Variants in AMBN observed in about 807,000 individuals in gnomAD.
AMBN encodes the protein ameloblastin, also known as enamel matrix protein.
Under a neutral mutation model 48.0 loss-of-function variants are expected in AMBN, and 54 were observed. That is an observed-to-expected ratio of 1.12 (90% CI 0.90 to 1.41). The LOEUF (loss-of-function observed/expected upper bound fraction) is 1.41. Among genes scored for constraint, AMBN ranks in the 40% most tolerant of loss-of-function variants. The pLI is 0.00. For missense variants in AMBN, 571 were observed against 547.3 expected (o/e 1.04, Z -0.43); for synonymous variants, 186 against 190.0 (o/e 0.98, Z 0.17).
intron 1 of AMBN, 39 bp downstream of exon 1, chr4:70,592,412 A>G (rs757198664): frequency 1.9e-6 from 3 of 1,611,828 alleles, no homozygotes; most frequent in East Asian, 2.2e-5. Flanking sequence ...GTTTCCTGTA[A>G]ATTCTTTTTT....
chr4:70,602,040 A>G, intron 6 of AMBN: 1 of 419,122 alleles, frequency 2.4e-6, no homozygotes, highest in Non-Finnish European at 4.6e-6. Flanking sequence ...AGGATTTTGC[A>G]TTATTATCTC....
chr4:70,596,909 C>G lies in AMBN; in HGVS notation c.85-90C>G, dbSNP rs1359893612. On this transcript the variant is annotated intron_variant, in intron 2 of 12. Transcript: ENST00000322937. Reference sequence around the variant, plus strand: ...CAAAATGGTGGCCTCTCAGGTAGCCCGTATGTACTGGAGCAATATCCTACG... The same window carrying G: ...CAAAATGGTGGCCTCTCAGGTAGCCGGTATGTACTGGAGCAATATCCTACG... 9.0e-6 allele frequency: 10 copies of G among 1,106,574 alleles called. No individual in the cohort carries two copies. In the East Asian group the frequency reaches 2.4e-4, roughly 27 times the overall value. 68.5% of individuals were successfully genotyped at this position (1,106,574 alleles called of 1,614,324 possible). A position where few individuals can be genotyped will look rare whatever the true frequency, so the allele number is the denominator to read the frequency against.
rs1301165469 is a variant in AMBN, at chr4:70,601,508, T to C, written c.385T>C (p.Ser129Pro). The C allele has an allele frequency of 3.1e-6, 5 of 1,614,192 alleles. No homozygotes were observed. The highest frequency in any genetic ancestry group is 4.2e-6 in the Non-Finnish European group (5 of 1,180,006). Residue 129 changes from serine to proline, a missense_variant, in exon 6 of 13, where the codon TCT (serine) becomes CCT (proline). Coordinates refer to ENST00000322937, the MANE Select transcript of AMBN (RefSeq NM_016519.6). Reference protein sequence around the residue: ...QQPGLKPFLQSAAATTNQATA... With the variant: ...QQPGLKPFLQPAAATTNQATA... ...GCCAGGACTGAAACCTTTTCTCCAG[T>C]CTGCTGCTGCAACCACCAACCAGGC...
At chr4:70,604,053 C>A in intron 12 of AMBN, 132 bp downstream of exon 12, 1 of 773,690 alleles carries the variant, frequency 1.3e-6, no homozygotes, top group Admixed American at 2.5e-5. Flanking sequence ...ACTCCAAAAA[C>A]TAAGCTTAAT....
At position 70,603,264 on chromosome 4, in the gene AMBN, T is replaced by C. The variant is rs377677437; in HGVS notation, c.653T>C (p.Phe218Ser). 1.4e-5 allele frequency: 22 copies of C among 1,613,346 alleles called. No homozygotes were observed. The African/African-American group carries it at 2.4e-4, about 18-fold the overall frequency. ...DFADPQGSTI[F>S]QIARLISHGP... ...TCTGTTTTCTACCATTTAAAGATTT[T>C]CCAAATAGCCCGTTTGATTTCTCAC... Residue 218 changes from phenylalanine to serine, a missense_variant, in exon 10 of 13, where the codon TTC becomes TCC. Physicochemically the swap from Phe to Ser is radical, Grantham distance 155. Transcript: ENST00000322937.
rs553845772 is a variant in AMBN, at chr4:70,603,065, A to G, written c.648+55A>G. 1.7e-5 allele frequency: 27 copies of G among 1,546,678 alleles called. No homozygotes were observed. The African/African-American group carries it at 3.5e-4, about 20-fold the overall frequency. Reference sequence around the variant, plus strand: ...TTGCAAAAACTGTCTCTATATTTCAAAAAATAAGAGTGAATTTTTTCATTG... The same window carrying G: ...TTGCAAAAACTGTCTCTATATTTCAGAAAATAAGAGTGAATTTTTTCATTG... On this transcript the variant is annotated intron_variant, in intron 9 of 12. Coordinates refer to ENST00000322937, the MANE Select transcript of AMBN (RefSeq NM_016519.6).
At chr4:70,603,087 A>AT (rs1382441257) in intron 9 of AMBN, 77 bp downstream of exon 9, 1 of 1,489,602 alleles carries the variant, frequency 6.7e-7, no homozygotes, top group Non-Finnish European at 9.1e-7. Flanking sequence ...GAATTTTTTC[A>AT]TTGTCCCATT....
At position 70,599,535 on chromosome 4, in the gene AMBN, G is replaced by A. The variant is rs925909179; in HGVS notation, c.184-1G>A. 6.3e-7 allele frequency: 1 copy of A among 1,592,630 alleles called. No individual in the cohort carries two copies. The highest frequency in any genetic ancestry group is 8.6e-7 in the Non-Finnish European group (1 of 1,163,768). On this transcript the variant is annotated splice_acceptor_variant, in intron 4 of 12. Coordinates refer to ENST00000322937, the MANE Select transcript of AMBN (RefSeq NM_016519.6). LOFTEE classifies it high-confidence loss of function. Reference sequence around the variant, plus strand: ...ATGTCTTTTTTTATCCATGTCTTTAGTATTCTAGATACGGCTTTGGAAAAT... The same window carrying A: ...ATGTCTTTTTTTATCCATGTCTTTAATATTCTAGATACGGCTTTGGAAAAT...
chr4:70,606,984 G>T lies in AMBN; in HGVS notation c.*254G>T. On this transcript the variant is annotated 3_prime_UTR_variant, in exon 13 of 13. Coordinates refer to ENST00000322937, the MANE Select transcript of AMBN (RefSeq NM_016519.6). ...TAATAACATCAGAGCAAGGTTCTAA[G>T]GGTCTCAGCATTTGATCATCACTTT... The T allele has an allele frequency of 4.7e-6, 2 of 427,388 alleles. No individual in the cohort carries two copies. The allele number at this position is 427,388 out of a possible 1,614,324, so 26.5% of individuals were successfully genotyped here. A position where few individuals can be genotyped will look rare whatever the true frequency, so the allele number is the denominator to read the frequency against.
chr4:70,601,721 AG>A, intron 6 of AMBN, 67 bp downstream of exon 6: 1 of 1,467,532 alleles, frequency 6.8e-7, no homozygotes, highest in Non-Finnish European at 9.4e-7. Flanking sequence ...ACGAATTTGC[AG>A]GGCACTTTTA....
chr4:70,605,228 G>A (rs1429592162), intron 12 of AMBN, among the ~76,000 whole-genome samples: 2 of 151,946 alleles, frequency 1.3e-5, no homozygotes, highest in African/African-American at 4.8e-5. Flanking sequence ...GAAAGGAGAA[G>A]GAAAGAGTAT....
intron 2 of AMBN, among the ~76,000 whole-genome samples, chr4:70,594,296 A>T (rs937136091): frequency 9.2e-5 from 14 of 152,208 alleles, no homozygotes; most frequent in Non-Finnish European, 1.9e-4. Context: ...TATTGAAATG[A>T]TCTCATACAA....
In AMBN at chr4:70,606,672, G is replaced by A; in HGVS notation, c.1286G>A (p.Gly429Glu). ...AACTCTCTGCAAACATCCATGCCAGGAAACAAAGCCCAGGAGCCCGAGATG... is the reference window on the plus strand; with the variant it reads ...AACTCTCTGCAAACATCCATGCCAGAAAACAAAGCCCAGGAGCCCGAGATG... ...APNSLQTSMP[G>E]NKAQEPEMMH... is the part of the protein sequence containing the mutation. The change falls in exon 13 of 13, where the codon GGA becomes GAA. Residue 429 changes from glycine (G) to glutamate (E), a missense_variant. Gly to Glu is a moderately conservative substitution (Grantham distance 98). Coordinates refer to ENST00000322937, the MANE Select transcript of AMBN (RefSeq NM_016519.6). 1 of 1,614,058 alleles carries A rather than the reference G, an allele frequency of 6.2e-7. No homozygotes were observed. The highest frequency in any genetic ancestry group is 8.5e-7 in the Non-Finnish European group (1 of 1,179,974).
At chr4:70,596,373 G>T (rs1254288721) in intron 2 of AMBN, among the ~76,000 whole-genome samples, 1 of 151,868 alleles carries the variant, frequency 6.6e-6, no homozygotes, top group Middle Eastern at 3.2e-3. Context: ...AACACATTAA[G>T]TATAATAGTA....
At chr4:70,604,479 T>G (rs1227906034) in intron 12 of AMBN, among the ~76,000 whole-genome samples, 1 of 152,194 alleles carries the variant, frequency 6.6e-6, no homozygotes, top group Non-Finnish European at 1.5e-5. Context: ...CAACTTGACT[T>G]TTTCCCTAAG....
chr4:70,605,649 G>A (rs1323582290), intron 12 of AMBN, among the ~76,000 whole-genome samples: 5 of 152,072 alleles, frequency 3.3e-5, no homozygotes, highest in African/African-American at 1.2e-4. Flanking sequence ...TTAGCTGGGT[G>A]CAGTGTCTCA....
At position 70,602,132 on chromosome 4, in the gene AMBN, G is replaced by A. The variant is rs1238973808; in HGVS notation, c.531+478G>A. Reference sequence around the variant, plus strand: ...TGTAATGGATTAAAAAAAAAATGAAGGTACCAAGTAACCAGTATGTTGTGG... The same window carrying A: ...TGTAATGGATTAAAAAAAAAATGAAAGTACCAAGTAACCAGTATGTTGTGG... On this transcript the variant is annotated intron_variant, in intron 6 of 12. Transcript: ENST00000322937. 3.3e-5 allele frequency among the ~76,000 whole-genome samples: 5 copies of A among 151,928 alleles called. No individual in the cohort carries two copies. In the East Asian group the frequency reaches 5.8e-4, roughly 18 times the overall value.
chr4:70,606,132 T>C (rs1290734993), intron 12 of AMBN, 53 bp from the exon 13 acceptor site: 1 of 1,591,270 alleles, frequency 6.3e-7, no homozygotes, highest in Non-Finnish European at 8.6e-7. Flanking sequence ...AGCTGCATGG[T>C]ATAGTTAATA....
At chr4:70,603,648 A>G (rs951263170) in intron 11 of AMBN, among the ~76,000 whole-genome samples, 188 bp downstream of exon 11, 12 of 150,804 alleles carry the variant, frequency 8.0e-5, no homozygotes, top group African/African-American at 2.9e-4. Context: ...ACACACACAC[A>G]CGCACACGCA....
Sources: gnomAD v4.1 joint callset for allele counts (sites outside exome capture counted in the v4.1 genomes callset) on GRCh38, gnomAD v4.1.1 for gene constraint, MANE v1.5 for transcripts, NCBI Gene and HGNC (gene_info 2026-07-23, HGNC 2026-07-21) for gene names.